Variants in FBXL13 observed in about 807,000 individuals in gnomAD.
FBXL13 encodes the protein F-box and leucine-rich repeat protein 13.
FBXL13 carries 67 observed loss-of-function variants against 83.6 expected under a neutral mutation model. That is an observed-to-expected ratio of 0.80 (90% CI 0.66 to 0.98). The LOEUF (loss-of-function observed/expected upper bound fraction) is 0.98. FBXL13 is among the 50% of genes least tolerant of loss of function. The pLI is 0.00. For missense variants in FBXL13, 822 were observed against 866.5 expected (o/e 0.95, Z 0.64); for synonymous variants, 272 against 299.5 (o/e 0.91, Z 0.95).
intron 2 of FBXL13, among the ~76,000 whole-genome samples, chr7:103,049,694 T>C (rs3987943): frequency 0.97 from 148,009 of 152,282 alleles, 72,081 homozygotes; most frequent in East Asian, 1. Context: ...AGCTTGAATA[T>C]CCACTTTTAA....
intron 6 of FBXL13, among the ~76,000 whole-genome samples, chr7:103,022,420 G>A (rs1793302909): frequency 6.6e-6 from 1 of 151,924 alleles, no homozygotes; most frequent in Non-Finnish European, 1.5e-5. Context: ...CATGGCACAT[G>A]TATACATATG....
At chr7:102,927,324 G>T (rs1382189451) in intron 9 of FBXL13, among the ~76,000 whole-genome samples, 1 of 152,130 alleles carries the variant, frequency 6.6e-6, no homozygotes, top group Non-Finnish European at 1.5e-5. Flanking sequence ...AGAAAGAATA[G>T]ACCACTGCAG....
chr7:102,973,989 CA>C (rs1827115221), intron 6 of FBXL13, among the ~76,000 whole-genome samples: 1 of 152,184 alleles, frequency 6.6e-6, no homozygotes, highest in African/African-American at 2.4e-5. Flanking sequence ...CTCCCTCCAC[CA>C]TCCAGGATGG....
rs115509046 is a variant in FBXL13 at position 102,874,075 on chromosome 7, A to G, written c.1635+3392T>C. On this transcript the variant is annotated intron_variant, in intron 16 of 19. Transcript: ENST00000313221. Reference sequence around the variant, plus strand: ...TTAACTAAATGTGTAGTGTGATTCTAACTGAAAATTCACCATTAAGAATTG... The same window carrying G: ...TTAACTAAATGTGTAGTGTGATTCTGACTGAAAATTCACCATTAAGAATTG... 2.9e-3 allele frequency among the ~76,000 whole-genome samples: 435 copies of G among 152,364 alleles called. 1 individual carries two copies. The highest frequency in any genetic ancestry group is 9.9e-3 in the African/African-American group (411 of 41,594).
At chr7:103,053,786 G>C (rs958909081) in intron 2 of FBXL13, among the ~76,000 whole-genome samples, 3 of 152,126 alleles carry the variant, frequency 2.0e-5, no homozygotes, top group Non-Finnish European at 4.4e-5. Context: ...TAGGTCAAAA[G>C]TCTGTGGTTA....
rs1554518506 is a variant in FBXL13, at chr7:103,062,044, A to AC, written c.-104-6298dup. 4.8e-3 allele frequency among the ~76,000 whole-genome samples: 639 copies of AC among 134,006 alleles called. 9 individuals are homozygous for AC. Among genetic ancestry groups the AC allele is most frequent in the African/African-American group, 0.018 (587 of 32,554 alleles). 87.9% of individuals were successfully genotyped at this position (134,006 alleles called of 152,430 possible). A position where few individuals can be genotyped will look rare whatever the true frequency, so the allele number is the denominator to read the frequency against. ...AATTACCAAAAAAAAAAAAAAAAAA[A>AC]CAAACCTTTGCTTTAAAACCATAAT... On this transcript the variant is annotated intron_variant, in intron 1 of 19. Transcript: ENST00000313221.
intron 17 of FBXL13, among the ~76,000 whole-genome samples, chr7:102,833,726 C>T (rs1801160570): frequency 6.6e-6 from 1 of 151,656 alleles, no homozygotes; most frequent in Non-Finnish European, 1.5e-5. Flanking sequence ...CCCAGCTCCT[C>T]TTTTTTAACT....
chr7:102,956,875 C>A (rs528605508), intron 8 of FBXL13, among the ~76,000 whole-genome samples: 4 of 151,982 alleles, frequency 2.6e-5, no homozygotes, highest in African/African-American at 7.2e-5. Flanking sequence ...CTGCTCAACA[C>A]AATAAAAGAG....
intron 11 of FBXL13, among the ~76,000 whole-genome samples, chr7:102,900,909 G>A (rs977449266): frequency 6.6e-6 from 1 of 152,170 alleles, no homozygotes; most frequent in African/African-American, 2.4e-5. Flanking sequence ...TGTGTTTTGA[G>A]GCTTACAAAT....
At chr7:102,831,431 A>ACACCCCCCCC (rs1033135095) in intron 18 of FBXL13, among the ~76,000 whole-genome samples, 3 of 147,124 alleles carry the variant, frequency 2.0e-5, no homozygotes, top group African/African-American at 7.5e-5. Flanking sequence ...ACACACACAC[A>ACACCCCCCCC]CCCCACTACA....
At chr7:102,933,074 A>G (rs1819531623) in intron 8 of FBXL13, 1 of 152,260 alleles carries the variant, frequency 6.6e-6, no homozygotes, top group Admixed American at 6.5e-5. Context: ...GGTAAGTGCC[A>G]TGGAGAAGAA....
chr7:102,862,758 C>T (rs73406288), intron 16 of FBXL13, among the ~76,000 whole-genome samples: 10,536 of 152,262 alleles, frequency 0.069, 545 homozygotes, highest in East Asian at 0.26. Flanking sequence ...CTGACCATCC[C>T]CTGCTTTTTG....
chr7:102,943,870 G>A (rs747051108), intron 8 of FBXL13, among the ~76,000 whole-genome samples: 2 of 152,206 alleles, frequency 1.3e-5, no homozygotes, highest in Non-Finnish European at 2.9e-5. Context: ...ATGACAGGAG[G>A]TAGTTTTGCA....
intron 5 of FBXL13, among the ~76,000 whole-genome samples, chr7:103,026,710 T>G (rs1229417805): frequency 1.1e-4 from 17 of 152,220 alleles, no homozygotes; most frequent in Admixed American, 6.5e-5. Context: ...GCGTGTGTGC[T>G]ATTGTCAGTC....
At chr7:102,941,944 T>C (rs566705814) in intron 8 of FBXL13, among the ~76,000 whole-genome samples, 2 of 152,180 alleles carry the variant, frequency 1.3e-5, no homozygotes, top group South Asian at 4.1e-4. Context: ...GTTTTTCACA[T>C]GTTTCCCGTA....
chr7:102,834,878 ATGTGTG>A (rs57047697), intron 17 of FBXL13, among the ~76,000 whole-genome samples: 18,455 of 147,052 alleles, frequency 0.13, 1,281 homozygotes, highest in East Asian at 0.31. Flanking sequence ...CCATTCCACA[ATGTGTG>A]TGTGTGTGTG....
chr7:102,899,202 C>T (rs906002737), intron 11 of FBXL13, among the ~76,000 whole-genome samples: 30 of 152,178 alleles, frequency 2.0e-4, no homozygotes, highest in African/African-American at 6.3e-4. Flanking sequence ...CGTGAGCCAC[C>T]GTGCCCAGTC....
At chr7:102,958,805 A>G (rs1824718919) in intron 8 of FBXL13, among the ~76,000 whole-genome samples, 2 of 152,046 alleles carry the variant, frequency 1.3e-5, no homozygotes, top group Admixed American at 6.6e-5. Context: ...GTTCCTAAAA[A>G]TCCAAAGGCG....
intron 6 of FBXL13, among the ~76,000 whole-genome samples, chr7:102,990,547 C>T (rs1358590064): frequency 6.6e-6 from 1 of 152,160 alleles, no homozygotes; most frequent in Non-Finnish European, 1.5e-5. Context: ...CTGTCCCTGT[C>T]CTCAAGGCAC....
Sources: gnomAD v4.1 joint callset for allele counts (sites outside exome capture counted in the v4.1 genomes callset) on GRCh38, gnomAD v4.1.1 for gene constraint, MANE v1.5 for transcripts, NCBI Gene and HGNC (gene_info 2026-07-23, HGNC 2026-07-21) for gene names.